ACLY: variants seen among roughly 807,000 people sequenced by gnomAD.
The protein encoded by ACLY is ATP citrate lyase, also known as ATP-citrate synthase.
A neutral mutation model predicts 133.0 loss-of-function variants in ACLY; 41 were observed. That is an observed-to-expected ratio of 0.31 (90% CI 0.24 to 0.40). The LOEUF is 0.40. Among genes scored for constraint, ACLY ranks in the 10% least tolerant of loss-of-function variants. The pLI is 1.00. For missense variants in ACLY, 1,046 were observed against 1,453.8 expected, an observed-to-expected ratio of 0.72 and a Z score of 4.56; for synonymous variants, 495 against 549.3, an observed-to-expected ratio of 0.90 and a Z score of 1.38.
chr17:41,906,983 C>T (rs1452848910), intron 7 of ACLY, among the ~76,000 whole-genome samples: 2 of 152,186 alleles, frequency 1.3e-5, no homozygotes, highest in African/African-American at 2.4e-5. Context: ...GCCCATCACA[C>T]GTCCCCCCAA....
chr17:41,873,946 T>C lies in ACLY; in HGVS notation c.2507A>G (p.Lys836Arg). Residue 836 changes from lysine (K) to arginine (R), a missense_variant, in exon 23 of 29, where the codon AAA becomes AGA. Lys to Arg is a conservative substitution (Grantham distance 26). Transcript: ENST00000352035. ...SWARELGLIRKPASFMTSICD... is the reference protein window; with the variant it reads ...SWARELGLIRRPASFMTSICD... ...GATGCTGGTCATGAACGAGGCAGGT[T>C]TGCGGATCAAACCAAGCTCCTGGGC... 3.1e-6 allele frequency: 5 copies of C among 1,605,234 alleles called. No homozygotes were observed. The highest frequency in any genetic ancestry group is 2.3e-5 in the East Asian group (1 of 44,370).
Position 41,871,804 on chromosome 17 carries a change from G to A in ACLY, c.2822C>T (p.Ala941Val), listed in dbSNP as rs1555625096. 1 of 1,614,026 alleles carries A rather than the reference G, an allele frequency of 6.2e-7. No homozygotes were observed. The part of the protein sequence containing the change: ...IGDRFGGALD[A>V]AAKMFSKAFD... ...GGCTTTACTGAACATCTTGGCTGCT[G>A]CATCCAAGGCACCCCCAAACCGATC... The change falls in exon 25 of 29, where the codon GCA becomes GTA. Residue 941 changes from alanine (A) to valine (V), a missense_variant. Ala to Val is a moderately conservative substitution (Grantham distance 64, BLOSUM62 0). Coordinates refer to ENST00000352035, the MANE Select transcript of ACLY (RefSeq NM_001096.3).
chr17:41,896,572 C>T lies in ACLY; in HGVS notation c.1459+48G>A, dbSNP rs574285885. The T allele has an allele frequency of 7.9e-6, 12 of 1,514,204 alleles. No individual in the cohort carries two copies. The East Asian group carries it at 1.7e-4, about 22-fold the overall frequency. 93.8% of individuals were successfully genotyped at this position (1,514,204 alleles called of 1,614,324 possible). ...CAGAGCACACAGTAAAACTGTCACCCGCTAACAAAGCCACACGCGGAGTGG... is the reference window on the plus strand; with the variant it reads ...CAGAGCACACAGTAAAACTGTCACCTGCTAACAAAGCCACACGCGGAGTGG... On this transcript the variant is annotated intron_variant, in intron 14 of 28. Transcript: ENST00000352035.
chr17:41,881,227 C>T (rs939359950), intron 20 of ACLY, among the ~76,000 whole-genome samples: 9 of 151,894 alleles, frequency 5.9e-5, no homozygotes, highest in Admixed American at 5.9e-4. Context: ...GTCAGGACTT[C>T]GAGACTAGCC....
At chr17:41,927,854 T>A (rs2050261604) in intron 1 of ACLY, among the ~76,000 whole-genome samples, 1 of 150,972 alleles carries the variant, frequency 6.6e-6, no homozygotes, top group Non-Finnish European at 1.5e-5. Flanking sequence ...TATTTATATT[T>A]AGACAGGCAT....
intron 28 of ACLY, among the ~76,000 whole-genome samples, 187 bp downstream of exon 28, chr17:41,868,518 AAAGT>A (rs547765206): frequency 8.6e-5 from 13 of 151,356 alleles, no homozygotes; most frequent in Non-Finnish European, 1.9e-4. Flanking sequence ...GGGAAAGGTT[AAAGT>A]AAGAAAGGAA....
At chr17:41,884,683 C>T (rs1454979832) in intron 18 of ACLY, among the ~76,000 whole-genome samples, 2 of 152,050 alleles carry the variant, frequency 1.3e-5, no homozygotes, top group East Asian at 3.9e-4. Flanking sequence ...TCAGGAGTTC[C>T]AGACCAGCCT....
chr17:41,892,490 C>T, intron 15 of ACLY, 43 bp from the exon 16 acceptor site: 3 of 1,580,358 alleles, frequency 1.9e-6, no homozygotes, highest in Non-Finnish European at 2.6e-6. Context: ...CTCAACCTGT[C>T]AGGACTGGGG....
At chr17:41,885,965 A>G (rs1441739680) in intron 18 of ACLY, 147 bp downstream of exon 18, 1 of 776,874 alleles carries the variant, frequency 1.3e-6, no homozygotes, top group African/African-American at 1.7e-5. Context: ...CTGAGACAAG[A>G]GCAGTGATGC....
chr17:41,901,151 G>A lies in ACLY; in HGVS notation c.1183+545C>T, dbSNP rs183149194. ...TGTATTTTTTTTTTTGTAGAGGCAG[G>A]GTCTCGCCATGTTGCCCAGGCTGGT... is the stretch of plus-strand genomic sequence containing the variant. On this transcript the variant is annotated intron_variant, in intron 11 of 28. Coordinates refer to ENST00000352035, the MANE Select transcript of ACLY (RefSeq NM_001096.3). Among the ~76,000 whole-genome samples, 615 of 151,372 alleles carry A rather than the reference G, an allele frequency of 4.1e-3. 3 individuals carry two copies. The highest frequency in any genetic ancestry group is 0.014 in the African/African-American group (589 of 41,228).
At chr17:41,877,960 A>G (rs1555626461) in intron 22 of ACLY, 143 bp downstream of exon 22, 1 of 418,388 alleles carries the variant, frequency 2.4e-6, no homozygotes, top group Non-Finnish European at 4.2e-6. Context: ...TATATATCCT[A>G]TTAGTTCTGT....
chr17:41,892,449 T>C lies in ACLY; in HGVS notation c.1602-2A>G. On this transcript the variant is annotated splice_acceptor_variant, in intron 15 of 28. Coordinates refer to ENST00000352035, the MANE Select transcript of ACLY (RefSeq NM_001096.3). LOFTEE classifies it high-confidence loss of function. Reference sequence around the variant, plus strand: ...TAAAACTTCTGCTTGTGGTCCCCACTGTGAGAAAGTAAAAGAAGAATTAGG... The same window carrying C: ...TAAAACTTCTGCTTGTGGTCCCCACCGTGAGAAAGTAAAAGAAGAATTAGG... 6.2e-7 allele frequency: 1 copy of C among 1,612,688 alleles called. No individual in the cohort carries two copies. The highest frequency in any genetic ancestry group is 8.5e-7 in the Non-Finnish European group (1 of 1,179,330).
At chr17:41,907,036 T>C (rs2049740411) in intron 7 of ACLY, among the ~76,000 whole-genome samples, 1 of 152,108 alleles carries the variant, frequency 6.6e-6, no homozygotes, top group Non-Finnish European at 1.5e-5. Flanking sequence ...GCCCAGCCTC[T>C]TCCCTGGGCC....
At chr17:41,892,147 C>G in intron 16 of ACLY, 132 bp downstream of exon 16, 1 of 881,352 alleles carries the variant, frequency 1.1e-6, no homozygotes, top group Non-Finnish European at 1.7e-6. Flanking sequence ...GCCCTTTGTC[C>G]CAGGCAGCAG....
Position 41,869,555 on chromosome 17 carries a change from G to A in ACLY, c.2970C>T (p.Leu990=). 6.2e-7 allele frequency: 1 copy of A among 1,614,126 alleles called. No individual in the cohort carries two copies. Among genetic ancestry groups the A allele is most frequent in the Non-Finnish European group, 8.5e-7 (1 of 1,180,024 alleles). Residue 990 remains leucine, a synonymous_variant, in exon 26 of 29, where the codon CTC becomes CTT. Transcript: ENST00000352035. ...GGAAGTGCTGCCTGACGTAATCTTT[G>A]AGGATCTGCACTCGCATGTCTGGGT... ...INNPDMRVQI[L]KDYVRQHFPA... is the part of the protein sequence containing the mutation.
chr17:41,869,349 A>C, intron 26 of ACLY, 125 bp downstream of exon 26: 1 of 895,924 alleles, frequency 1.1e-6, no homozygotes, highest in Non-Finnish European at 1.7e-6. Context: ...TAGTTATGAA[A>C]CAAAAATAAC....
intron 20 of ACLY, among the ~76,000 whole-genome samples, chr17:41,881,563 C>A (rs2048918679): frequency 1.3e-5 from 2 of 152,116 alleles, no homozygotes; most frequent in African/African-American, 2.4e-5. Context: ...CATACAACAA[C>A]CTTGCGGCAT....
chr17:41,904,931 A>T (rs1487538993), intron 9 of ACLY, 141 bp from the exon 10 acceptor site: 23 of 748,276 alleles, frequency 3.1e-5, no homozygotes, highest in Non-Finnish European at 5.0e-5. Flanking sequence ...TGAGTAGGAC[A>T]GTCTCTCCAG....
At chr17:41,912,304 TTCCCTGAGCTACAA>T (rs1275445647) in intron 3 of ACLY, 102 bp downstream of exon 3, 2 of 1,424,032 alleles carry the variant, frequency 1.4e-6, no homozygotes, top group Admixed American at 4.2e-5. Context: ...GACTCCTGCC[TTCCCTGAGCTACAA>T]TGAGACTGGC....
Sources: gnomAD v4.1 joint callset for allele counts (sites outside exome capture counted in the v4.1 genomes callset) on GRCh38, gnomAD v4.1.1 for gene constraint, MANE v1.5 for transcripts, NCBI Gene and HGNC (gene_info 2026-07-23, HGNC 2026-07-21) for gene names.